LARGE1: variants seen among roughly 807,000 people sequenced by gnomAD.
LARGE1 encodes the protein LARGE xylosyl- and glucuronyltransferase 1.
In LARGE1, 43 loss-of-function variants were observed where a neutral mutation model predicts 87.6. The observed-to-expected ratio is 0.49, with a 90% CI of 0.38 to 0.63. The LOEUF (loss-of-function observed/expected upper bound fraction) is 0.63, where lower values mean the gene tolerates loss of function less well. Among genes scored for constraint, LARGE1 ranks in the 30% least tolerant of loss-of-function variants. LARGE1 has a pLI of 0.00. For synonymous variants in LARGE1, 434 were observed against 394.6 expected, an observed-to-expected ratio of 1.10 and a Z score of -1.18; for missense variants, 802 against 1,000.2, an observed-to-expected ratio of 0.80 and a Z score of 2.67.
the LARGE1 span, chr22:33,116,058 G>A: frequency 6.6e-6 from 1 of 152,106 alleles, no homozygotes; most frequent in Admixed American, 6.6e-5. Flanking sequence ...AATACACTAG[G>A]TGTCCTAGGA....
intron 2 of LARGE1, among the ~76,000 whole-genome samples, chr22:33,755,726 C>G (rs187584255): frequency 6.6e-6 from 1 of 152,326 alleles, no homozygotes; most frequent in Admixed American, 6.5e-5. Context: ...CCCTTCCCTA[C>G]CAGCGGTTCC....
chr22:33,738,465 A>G (rs938500847), intron 2 of LARGE1, among the ~76,000 whole-genome samples: 9 of 152,164 alleles, frequency 5.9e-5, no homozygotes, highest in Non-Finnish European at 1.2e-4. Flanking sequence ...GGAGGAGAGG[A>G]GGGCAGGGAA....
chr22:33,678,815 T>C lies in LARGE1; in HGVS notation c.107-28147A>G, dbSNP rs562134747. On this transcript the variant is annotated intron_variant, in intron 2 of 14. Transcript: ENST00000397394. ...AGGCGCATCTGCGACCGTTTTGCCA[T>C]GCGATGGTCAAGACACTGTGCTGGG... Among the ~76,000 whole-genome samples the C allele has an allele frequency of 2.6e-5, 4 of 152,320 alleles. No homozygotes were observed. In the East Asian group the frequency reaches 7.7e-4, roughly 29 times the overall value.
chr22:33,708,143 C>T (rs911131211), intron 2 of LARGE1, among the ~76,000 whole-genome samples: 1 of 152,132 alleles, frequency 6.6e-6, no homozygotes, highest in African/African-American at 2.4e-5. Context: ...AAGCACCTAT[C>T]CCAGAGGAGA....
intron 5 of LARGE1, among the ~76,000 whole-genome samples, chr22:33,597,108 C>T (rs1047839700): frequency 1.3e-5 from 2 of 152,076 alleles, no homozygotes; most frequent in South Asian, 2.1e-4. Flanking sequence ...GAGAGCATTT[C>T]GTCACAGCAC....
At chr22:33,439,684 C>T (rs1040891441) in intron 6 of LARGE1, among the ~76,000 whole-genome samples, 6 of 152,202 alleles carry the variant, frequency 3.9e-5, no homozygotes, top group Non-Finnish European at 8.8e-5. Context: ...GACTTCTTTC[C>T]AAAGTGCCCT....
chr22:33,755,796 G>A (rs890567437), intron 2 of LARGE1, among the ~76,000 whole-genome samples: 5 of 152,300 alleles, frequency 3.3e-5, no homozygotes, highest in South Asian at 4.1e-4. Flanking sequence ...CATTAGGAGC[G>A]AGTGCTCAGT....
chr22:33,537,846 C>T (rs1442818756), intron 6 of LARGE1, among the ~76,000 whole-genome samples: 9 of 152,174 alleles, frequency 5.9e-5, no homozygotes, highest in Admixed American at 4.6e-4. Context: ...GCTGGGATTA[C>T]GGGCGTGAGC....
At chr22:33,661,535 T>C (rs2149230996) in intron 2 of LARGE1, among the ~76,000 whole-genome samples, 1 of 151,628 alleles carries the variant, frequency 6.6e-6, no homozygotes, top group Non-Finnish European at 1.5e-5. Context: ...TTTTTTTTTT[T>C]AAATGAGGAG....
Position 33,748,233 on chromosome 22 carries a change from G to A in LARGE1, c.106+13138C>T, listed in dbSNP as rs7288175. ...TGCAATCTCCACCTCCCGGGTTCAA[G>A]CGATTCCCCTGCCTCAGCCTCCCGA... On this transcript the variant is annotated intron_variant, in intron 2 of 14. Transcript: ENST00000397394. 1.7e-3 allele frequency among the ~76,000 whole-genome samples: 252 copies of A among 150,908 alleles called. 3 individuals carry two copies. Among genetic ancestry groups the A allele is most frequent in the African/African-American group, 5.8e-3 (236 of 40,980 alleles).
the LARGE1 span, among the ~76,000 whole-genome samples, chr22:33,119,431 C>G: frequency 6.6e-6 from 1 of 152,092 alleles, no homozygotes; most frequent in Non-Finnish European, 1.5e-5. Flanking sequence ...TATAAAGTGG[C>G]ATCTGGGTGA....
chr22:33,254,270 G>A (rs917778527), intron 11 of LARGE1, among the ~76,000 whole-genome samples: 1 of 152,158 alleles, frequency 6.6e-6, no homozygotes, highest in Non-Finnish European at 1.5e-5. Flanking sequence ...GTGTGTGACT[G>A]GACTGGGGAG....
chr22:33,471,349 T>C (rs1409156704), intron 6 of LARGE1, among the ~76,000 whole-genome samples: 1 of 151,538 alleles, frequency 6.6e-6, no homozygotes, highest in Non-Finnish European at 1.5e-5. Context: ...CAGCCCAGTC[T>C]TTCTTCTAAC....
chr22:33,652,044 C>T (rs112717339), intron 2 of LARGE1, among the ~76,000 whole-genome samples: 1,927 of 152,180 alleles, frequency 0.013, 47 homozygotes, highest in African/African-American at 0.044. Flanking sequence ...TGGTGGCACG[C>T]ACCTGTATAC....
intron 12 of LARGE1, among the ~76,000 whole-genome samples, chr22:33,297,769 C>G (rs1030942561): frequency 4.0e-5 from 6 of 151,810 alleles, no homozygotes; most frequent in African/African-American, 1.5e-4. Context: ...CACCTGAGGT[C>G]AGGAGTTCAA....
chr22:33,647,867 C>T (rs772865713), intron 3 of LARGE1, among the ~76,000 whole-genome samples: 1 of 152,104 alleles, frequency 6.6e-6, no homozygotes, highest in Non-Finnish European at 1.5e-5. Flanking sequence ...AAACGATTCT[C>T]CTGCCTCAGC....
chr22:33,135,814 T>TG, the LARGE1 span, among the ~76,000 whole-genome samples: 1 of 151,816 alleles, frequency 6.6e-6, no homozygotes, highest in South Asian at 2.1e-4. Flanking sequence ...CACTCCAGCC[T>TG]GGGCAACAGA....
intron 6 of LARGE1, among the ~76,000 whole-genome samples, chr22:33,438,719 C>T (rs182255310): frequency 2.0e-4 from 30 of 152,260 alleles, no homozygotes; most frequent in African/African-American, 5.5e-4. Flanking sequence ...GCTGAGCATT[C>T]GTCCATTGGG....
chr22:33,525,606 C>G (rs769291056), intron 6 of LARGE1, among the ~76,000 whole-genome samples: 6 of 152,162 alleles, frequency 3.9e-5, no homozygotes, highest in Non-Finnish European at 7.3e-5. Flanking sequence ...ACAACTTCAT[C>G]TGTTCCTAGG....
Sources: allele counts gnomAD v4.1 joint callset (sites outside exome capture counted in the v4.1 genomes callset), GRCh38; gene constraint gnomAD v4.1.1; transcripts MANE v1.5; gene names NCBI Gene and HGNC (gene_info 2026-07-23, HGNC 2026-07-21).